Variants in FGD5 observed in about 807,000 individuals in gnomAD.
FGD5 encodes FYVE, RhoGEF and PH domain containing 5.
Under a neutral mutation model 133.4 loss-of-function variants are expected in FGD5, and 28 were observed. That is an observed-to-expected ratio of 0.21 (90% CI 0.16 to 0.29). The LOEUF (loss-of-function observed/expected upper bound fraction) is 0.29. FGD5 is among the 10% of genes least tolerant of loss of function. FGD5 has a pLI of 1.00. For synonymous variants in FGD5, 810 were observed against 776.5 expected (o/e 1.04, Z -0.72); for missense variants, 1,858 against 1,895.2 (o/e 0.98, Z 0.36).
chr3:14,917,340 T>C lies in FGD5; in HGVS notation c.3489+8T>C, dbSNP rs771814432. On this transcript the variant is annotated splice_region_variant and intron_variant, in intron 12 of 19. Transcript: ENST00000285046. The surrounding 1 kb of genome is among the most constrained non-coding windows in gnomAD (Gnocchi z 4.1). ...GCTGTGGCCAACATGAAGGTAAATA[T>C]CTGGTGCCAGGTACCCCCGGGTTGG... 2.2e-5 allele frequency: 35 copies of C among 1,611,104 alleles called. No homozygotes were observed. The African/African-American group carries it at 3.6e-4, about 17-fold the overall frequency.
chr3:14,913,639 C>G (rs2038494301), intron 11 of FGD5, among the ~76,000 whole-genome samples: 1 of 152,210 alleles, frequency 6.6e-6, no homozygotes, highest in Admixed American at 6.5e-5. Context: ...GGCCCCTCAG[C>G]CATTTGCATC....
chr3:14,864,383 A>G, intron 2 of FGD5, 123 bp downstream of exon 2: 1 of 1,456,798 alleles, frequency 6.9e-7, no homozygotes. Context: ...CCCCAGCTGG[A>G]TGCAGGGGCT....
intron 1 of FGD5, among the ~76,000 whole-genome samples, chr3:14,813,115 G>GA (rs2036317554): frequency 6.6e-6 from 1 of 152,104 alleles, no homozygotes; most frequent in South Asian, 2.1e-4. Context: ...TAGGGTGTAG[G>GA]AAATGTCTGC....
At chr3:14,897,243 G>A (rs1263735180) in intron 4 of FGD5, 45 of 432,610 alleles carry the variant, frequency 1.0e-4, no homozygotes, top group Non-Finnish European at 8.1e-6. Context: ...ACAACGAGAG[G>A]AGAGTGAGTG....
At position 14,918,806 on chromosome 3, in the gene FGD5, C is replaced by G. The variant is rs2038614071; in HGVS notation, c.3542C>G (p.Ser1181Cys). 1.9e-6 allele frequency: 3 copies of G among 1,613,794 alleles called. No individual in the cohort carries two copies. Among genetic ancestry groups the G allele is most frequent in the Non-Finnish European group, 8.5e-7 (1 of 1,179,858 alleles). Reference sequence around the variant, plus strand: ...CCCTACGCTCTAAAGATTGAGACTTCCGAGTCCTGCCTGATGCTGTCTGCG... The same window carrying G: ...CCCTACGCTCTAAAGATTGAGACTTGCGAGTCCTGCCTGATGCTGTCTGCG... ...KVPYALKIET[S>C]ESCLMLSASS... Residue 1181 changes from serine (S) to cysteine (C), a missense_variant, in exon 13 of 20, where the codon TCC (serine) becomes TGC (cysteine). By Grantham distance (112) the Ser-to-Cys change is moderately radical (BLOSUM62 -1). Transcript: ENST00000285046.
rs1575197441 is a variant in FGD5, at chr3:14,836,262, C to T, written c.2525+14666C>T. Among the ~76,000 whole-genome samples, 4 of 152,226 alleles carry T rather than the reference C, an allele frequency of 2.6e-5. No homozygotes were observed. In the South Asian group the frequency reaches 8.3e-4, roughly 31 times the overall value. The stretch of plus-strand genomic sequence containing the variant: ...AGATTGTTCTGGGCCACGCTCCCCG[C>T]CCGGGAAGCTCCTTGTAGATGCTGC... On this transcript the variant is annotated intron_variant, in intron 1 of 19. Transcript: ENST00000285046.
chr3:14,817,320 T>C (rs1399428667), upstream of FGD5, among the ~76,000 whole-genome samples: 3 of 152,104 alleles, frequency 2.0e-5, no homozygotes, highest in African/African-American at 7.2e-5. Flanking sequence ...CTCAGCCTCC[T>C]GAGTAGCTGA....
chr3:14,875,911 G>A (rs1257121243), intron 2 of FGD5, among the ~76,000 whole-genome samples: 1 of 152,158 alleles, frequency 6.6e-6, no homozygotes, highest in Non-Finnish European at 1.5e-5. Context: ...AACTGATGGG[G>A]GTGTGTGCCG....
chr3:14,856,209 T>C (rs1386657863), intron 1 of FGD5, among the ~76,000 whole-genome samples: 1 of 152,224 alleles, frequency 6.6e-6, no homozygotes, highest in Non-Finnish European at 1.5e-5. Flanking sequence ...TTCTGGGTTC[T>C]CTATTTTGTT....
At chr3:14,912,503 A>G (rs1320851649) in intron 11 of FGD5, among the ~76,000 whole-genome samples, 2 of 152,180 alleles carry the variant, frequency 1.3e-5, no homozygotes, top group Non-Finnish European at 1.5e-5. Flanking sequence ...AGGGTTTCAA[A>G]GCCCCCACAG....
At chr3:14,897,244 A>C in intron 4 of FGD5, 1 of 431,848 alleles carries the variant, frequency 2.3e-6, no homozygotes, top group Non-Finnish European at 4.1e-6. Context: ...CAACGAGAGG[A>C]GAGTGAGTGT....
Position 14,921,967 on chromosome 3 carries a change from C to T in FGD5, c.3619C>T (p.Pro1207Ser), listed in dbSNP as rs1164819539. ...EWYGCLSRAL[P>S]EDYKAQALAA... ...GTATGGCTGTCTGAGCAGAGCCCTC[C>T]CTGAGGACTACAAGGCCCAGGCGCT... The change falls in exon 14 of 20, where the codon CCT (proline) becomes TCT (serine). Residue 1207 changes from proline to serine, a missense_variant. By Grantham distance (74) the Pro-to-Ser change is moderately conservative. Coordinates refer to ENST00000285046, the MANE Select transcript of FGD5 (RefSeq NM_152536.4). 3.2e-6 allele frequency: 5 copies of T among 1,572,692 alleles called. No homozygotes were observed. In the East Asian group the frequency reaches 1.2e-4, roughly 37 times the overall value.
At chr3:14,870,382 G>C (rs2037582819) in intron 2 of FGD5, among the ~76,000 whole-genome samples, 1 of 152,156 alleles carries the variant, frequency 6.6e-6, no homozygotes, top group South Asian at 2.1e-4. Flanking sequence ...CTCCCTTACT[G>C]CTGTCGCTGG....
intron 1 of FGD5, among the ~76,000 whole-genome samples, chr3:14,854,569 C>G (rs2037238735): frequency 6.6e-6 from 1 of 151,878 alleles, no homozygotes; most frequent in Admixed American, 6.6e-5. Flanking sequence ...GTGTGCACCA[C>G]TGCACCTAGC....
At chr3:14,930,553 C>T (rs2038885252) in intron 18 of FGD5, among the ~76,000 whole-genome samples, 1 of 152,168 alleles carries the variant, frequency 6.6e-6, no homozygotes, top group African/African-American at 2.4e-5. Context: ...GCCGAGATCA[C>T]ACCACTGCAC....
At chr3:14,824,012 G>T (rs2036556291) in intron 1 of FGD5, among the ~76,000 whole-genome samples, 1 of 152,224 alleles carries the variant, frequency 6.6e-6, no homozygotes, top group Admixed American at 6.5e-5. Context: ...TGATGCTACA[G>T]CCTAGGGCCT....
At chr3:14,857,561 AAGGCACTG>A (rs1358491730) in intron 1 of FGD5, among the ~76,000 whole-genome samples, 1 of 152,158 alleles carries the variant, frequency 6.6e-6, no homozygotes, top group African/African-American at 2.4e-5. Context: ...TGAGAAAACA[AAGGCACTG>A]AGCCCTGGGC....
intron 18 of FGD5, among the ~76,000 whole-genome samples, chr3:14,929,571 T>C (rs529410782): frequency 6.6e-6 from 1 of 152,186 alleles, no homozygotes; most frequent in Admixed American, 6.5e-5. Context: ...TAACTCAATG[T>C]TGTTTTAATT....
chr3:14,811,379 C>T (rs994251772), intron 1 of FGD5: 1 of 152,292 alleles, frequency 6.6e-6, no homozygotes, highest in East Asian at 1.9e-4. Flanking sequence ...TTCCTGCTCC[C>T]TTCTCTCCTC....
Sources: gnomAD v4.1 joint callset for allele counts (sites outside exome capture counted in the v4.1 genomes callset) on GRCh38, gnomAD v4.1.1 for gene constraint, Gnocchi (gnomAD v3.1) non-coding constraint, MANE v1.5 for transcripts, NCBI Gene and HGNC (gene_info 2026-07-23, HGNC 2026-07-21) for gene names.